TEX14: variants seen among roughly 807,000 people sequenced by gnomAD.
TEX14 encodes the protein inactive serine/threonine-protein kinase TEX14.
In TEX14, 168 loss-of-function variants were observed where a neutral mutation model predicts 178.6. The ratio of observed to expected loss-of-function variants is 0.94; its 90% confidence interval spans 0.83 to 1.07. The LOEUF is 1.07. Among genes scored for constraint, TEX14 ranks in the 50% least tolerant of loss-of-function variants. The probability of loss-of-function intolerance (pLI) is 0.00; values close to 1 mark genes in which losing one functional copy is unlikely to be tolerated. For synonymous variants in TEX14, 626 were observed against 634.1 expected (o/e 0.99, Z 0.19); for missense variants, 1,730 against 1,753.6 (o/e 0.99, Z 0.24).
At chr17:58,628,145 C>T (rs2046193047) in intron 3 of TEX14, among the ~76,000 whole-genome samples, 1 of 152,026 alleles carries the variant, frequency 6.6e-6, no homozygotes, top group Non-Finnish European at 1.5e-5. Flanking sequence ...GGAAACACAA[C>T]AAAATGTTCA....
chr17:58,651,745 C>A (rs2143257957), intron 2 of TEX14, 121 bp downstream of exon 2: 1 of 932,644 alleles, frequency 1.1e-6, no homozygotes, highest in Non-Finnish European at 1.6e-6. Flanking sequence ...CATCTAATTT[C>A]TACATTTAAT....
At chr17:58,616,102 A>AT in intron 7 of TEX14, 73 bp downstream of exon 7, 1 of 1,502,882 alleles carries the variant, frequency 6.7e-7, no homozygotes. Flanking sequence ...CTCCCCACAC[A>AT]TAAGGAAGTC....
intron 29 of TEX14, among the ~76,000 whole-genome samples, chr17:58,560,314 T>A (rs994355527): frequency 3.3e-5 from 5 of 152,140 alleles, no homozygotes; most frequent in African/African-American, 1.2e-4. Context: ...GAAGAGAGAT[T>A]TTTTCCCCTC....
At position 58,587,922 on chromosome 17, in the gene TEX14, T is replaced by C. The variant is rs1598361091; in HGVS notation, c.2676A>G (p.Ser892=). The C allele has an allele frequency of 3.9e-6, 6 of 1,540,348 alleles. No homozygotes were observed. The highest frequency in any genetic ancestry group is 5.3e-6 in the Non-Finnish European group (6 of 1,138,878). Residue 892 remains serine, a synonymous_variant, in exon 16 of 32, where the codon TCA becomes TCG. Transcript: ENST00000349033. Reference sequence around the variant, plus strand: ...TGGTAGAGTCCCAGTGACAGCTGGGTGATGCAGAAGGTCCCTGCCGGTGGC... The same window carrying C: ...TGGTAGAGTCCCAGTGACAGCTGGGCGATGCAGAAGGTCCCTGCCGGTGGC... ...LSSHRQGPSA[S]PSCHWDSTRM...
Position 58,615,284 on chromosome 17 carries a change from A to G in TEX14, c.829T>C (p.Cys277Arg), listed in dbSNP as rs1427207769. 2 of 1,613,836 alleles carry G rather than the reference A, an allele frequency of 1.2e-6. No individual in the cohort carries two copies. Among genetic ancestry groups the G allele is most frequent in the Admixed American group, 1.7e-5 (1 of 59,988 alleles). Residue 277 changes from cysteine to arginine, a missense_variant, in exon 8 of 32, where the codon TGC (cysteine) becomes CGC (arginine). Physicochemically the swap from Cys to Arg is radical, Grantham distance 180. This residue lies in a region of TEX14 where 789 missense variants were observed against 681.2 expected (regional missense o/e 1.16). Transcript: ENST00000349033. ...KELNLPTHPH[C>R]SRLRLADLLI... ...AAGTCGGCCAGCCGCAGCCTGCTGC[A>G]GTGTGGGTGGGTGGGGAGATTCAGC...
At position 58,601,959 on chromosome 17, in the gene TEX14, G is replaced by T; in HGVS notation, c.1528-3C>A. The T allele has an allele frequency of 6.2e-7, 1 of 1,612,644 alleles. No individual in the cohort carries two copies. The highest frequency in any genetic ancestry group is 8.5e-7 in the Non-Finnish European group (1 of 1,179,836). ...GTTCTCTGGGCTCCAGTAAAATCCT[G>T]TAACACAGGAAATATTGTCAAGGAC... On this transcript the variant is annotated splice_polypyrimidine_tract_variant and splice_region_variant and intron_variant, in intron 12 of 31. Transcript: ENST00000349033.
chr17:58,603,801 C>T (rs1219033715), intron 11 of TEX14, among the ~76,000 whole-genome samples: 1 of 150,374 alleles, frequency 6.7e-6, no homozygotes, highest in Non-Finnish European at 1.5e-5. Context: ...TTGCAGTGAG[C>T]CAAGATCCCG....
intron 29 of TEX14, among the ~76,000 whole-genome samples, 190 bp from the exon 30 acceptor site, chr17:58,559,752 T>A (rs1266527180): frequency 1.3e-5 from 2 of 152,178 alleles, no homozygotes; most frequent in Non-Finnish European, 2.9e-5. Context: ...TTAATTCCCA[T>A]AACTATATAA....
At chr17:58,617,665 A>C in intron 5 of TEX14, 46 bp from the exon 6 acceptor site, 20 of 1,361,286 alleles carry the variant, frequency 1.5e-5, no homozygotes, top group Non-Finnish European at 2.1e-5. Context: ...TTAACCACTC[A>C]TATCCAGAAT....
chr17:58,631,776 C>T (rs192263147), intron 2 of TEX14: 10 of 152,238 alleles, frequency 6.6e-5, no homozygotes, highest in Admixed American at 5.2e-4. Flanking sequence ...CAGCGTTCTA[C>T]ACGTTCAGAT....
At chr17:58,630,684 A>T in intron 2 of TEX14, 130 bp from the exon 3 acceptor site, 1 of 618,762 alleles carries the variant, frequency 1.6e-6, no homozygotes, top group Non-Finnish European at 2.9e-6. Context: ...TTTTTAAAAA[A>T]AGTACAAAGA....
intron 25 of TEX14, 53 bp downstream of exon 25, chr17:58,570,332 A>G: frequency 5.1e-6 from 6 of 1,182,296 alleles, no homozygotes; most frequent in Non-Finnish European, 6.9e-6. Flanking sequence ...GATAAGCATC[A>G]ATTTAAGCCT....
chr17:58,616,238 A>G lies in TEX14; in HGVS notation c.704T>C (p.Val235Ala). 18 of 1,613,930 alleles carry G rather than the reference A, an allele frequency of 1.1e-5. No homozygotes were observed. Among genetic ancestry groups the G allele is most frequent in the Non-Finnish European group, 1.5e-5 (18 of 1,179,950 alleles). Residue 235 changes from valine to alanine, a missense_variant, in exon 7 of 32, where the codon GTG (valine) becomes GCG (alanine). By Grantham distance (64) the Val-to-Ala change is moderately conservative. Coordinates refer to ENST00000349033, the MANE Select transcript of TEX14 (RefSeq NM_031272.5). Reference sequence around the variant, plus strand: ...GGTGGGCTCATCATCAGCTTGAATCACTTCCTTTTCTCCAATGACCGGAAG... The same window carrying G: ...GGTGGGCTCATCATCAGCTTGAATCGCTTCCTTTTCTCCAATGACCGGAAG... ...GSLPVIGEKE[V>A]IQADDEPTFS...
At chr17:58,581,435 G>A (rs2044815772) in intron 19 of TEX14, among the ~76,000 whole-genome samples, 1 of 152,006 alleles carries the variant, frequency 6.6e-6, no homozygotes, top group Non-Finnish European at 1.5e-5. Flanking sequence ...ATTTTCAGAT[G>A]TTTTTCAAAA....
At chr17:58,631,717 C>T (rs1326061068) in intron 2 of TEX14, 3 of 150,046 alleles carry the variant, frequency 2.0e-5, no homozygotes, top group East Asian at 1.9e-4. Flanking sequence ...ACACCAAACA[C>T]TGCTATCCCA....
chr17:58,643,955 A>G (rs1263523363), intron 2 of TEX14, among the ~76,000 whole-genome samples: 1 of 129,810 alleles, frequency 7.7e-6, no homozygotes, highest in Non-Finnish European at 1.6e-5. Flanking sequence ...CGCCCCCCCC[A>G]AATACCTCAT....
rs201665712 is a variant in TEX14, at chr17:58,586,077, C to A, written c.2794G>T (p.Val932Leu). ...GCTGCTTTCTTTGCCATTTCTTTCA[C>A]CTCCACTGTGCATAAGAGAAAGCAG... is the stretch of plus-strand genomic sequence containing the variant. ...GKVHLKWKME[V>L]KEMAKKAATG... The change falls in exon 18 of 32, where the codon GTG (valine) becomes TTG (leucine). Residue 932 changes from valine to leucine, a missense_variant. By Grantham distance (32) the Val-to-Leu change is conservative. Coordinates refer to ENST00000349033, the MANE Select transcript of TEX14 (RefSeq NM_031272.5). 6.2e-7 allele frequency: 1 copy of A among 1,612,310 alleles called. No homozygotes were observed. Among genetic ancestry groups the A allele is most frequent in the East Asian group, 2.2e-5 (1 of 44,836 alleles).
Position 58,557,042 on chromosome 17 carries a change from A to G in TEX14, c.4325T>C (p.Ile1442Thr). The G allele has an allele frequency of 6.2e-7, 1 of 1,613,884 alleles. No homozygotes were observed. Among genetic ancestry groups the G allele is most frequent in the Non-Finnish European group, 8.5e-7 (1 of 1,179,712 alleles). Residue 1442 changes from isoleucine (I) to threonine (T), a missense_variant, in exon 32 of 32, where the codon ATC (isoleucine) becomes ACC (threonine). Coordinates refer to ENST00000349033, the MANE Select transcript of TEX14 (RefSeq NM_031272.5). ...TGACAAGTCACTCTGATCCAGCACGATTATCCTATGCACATGTTTTTTAAA... is the reference window on the plus strand; with the variant it reads ...TGACAAGTCACTCTGATCCAGCACGGTTATCCTATGCACATGTTTTTTAAA... ...RLGWSESSRI[I>T]VLDQSDLSD
intron 3 of TEX14, among the ~76,000 whole-genome samples, chr17:58,624,490 G>A (rs1427827504): frequency 6.6e-6 from 1 of 151,312 alleles, no homozygotes; most frequent in African/African-American, 2.4e-5. Context: ...ATAGGTGCCC[G>A]CCACCCATGC....
Sources: gnomAD v4.1 joint callset for allele counts (sites outside exome capture counted in the v4.1 genomes callset) on GRCh38, gnomAD v4.1.1 for gene constraint, gnomAD v4.1.1 regional missense constraint, MANE v1.5 for transcripts, NCBI Gene and HGNC (gene_info 2026-07-23, HGNC 2026-07-21) for gene names.